NBAS: variants seen among roughly 807,000 people sequenced by gnomAD.
NBAS encodes the protein NAG/BC035112 fusion.
Under a neutral mutation model 302.5 loss-of-function variants are expected in NBAS, and 219 were observed. The ratio of observed to expected loss-of-function variants is 0.72; its 90% CI spans 0.65 to 0.81. The LOEUF (loss-of-function observed/expected upper bound fraction) is 0.81. Ranked by LOEUF, NBAS falls within the 30% of genes least tolerant of loss-of-function variation. The pLI, the probability that NBAS is intolerant of heterozygous loss-of-function variation, is 0.00. For synonymous variants in NBAS, 1,118 were observed against 1,021.6 expected (o/e 1.09, Z -1.80); for missense variants, 2,932 against 2,841.6 (o/e 1.03, Z -0.72).
chr2:15,141,899 G>A, the NBAS span, among the ~76,000 whole-genome samples: 7 of 152,144 alleles, frequency 4.6e-5, no homozygotes, highest in Non-Finnish European at 1.0e-4. Flanking sequence ...ATGTCTGTAC[G>A]GGTTTTGTTT....
At chr2:15,436,453 C>A (rs1300418832) in intron 21 of NBAS, among the ~76,000 whole-genome samples, 1 of 152,082 alleles carries the variant, frequency 6.6e-6, no homozygotes, top group Non-Finnish European at 1.5e-5. Context: ...TTGTGAAAAA[C>A]CCTCCAATGA....
chr2:15,359,835 C>T (rs1040237263), intron 32 of NBAS, among the ~76,000 whole-genome samples: 2 of 152,130 alleles, frequency 1.3e-5, no homozygotes, highest in African/African-American at 4.8e-5. Flanking sequence ...CAAAAAAATA[C>T]AGTCATGAGT....
the NBAS span, among the ~76,000 whole-genome samples, chr2:14,830,950 T>C: frequency 6.6e-6 from 1 of 152,186 alleles, no homozygotes; most frequent in Non-Finnish European, 1.5e-5. Flanking sequence ...TCACTGAATG[T>C]GGAGCTGGGA....
In NBAS at chr2:15,330,765, C is replaced by T; in HGVS notation, c.4180G>A (p.Asp1394Asn). 1 of 1,613,694 alleles carries T rather than the reference C, an allele frequency of 6.2e-7. No homozygotes were observed. The highest frequency in any genetic ancestry group is 8.5e-7 in the Non-Finnish European group (1 of 1,179,808). Reference protein sequence around the residue: ...SPLTSKAVQEDEVGVPGSNSA... With the variant: ...SPLTSKAVQENEVGVPGSNSA... ...TTGCTACCTGGAACACCTACTTCAT[C>T]CTGTATTAAAGAAACAAAATAGCAA... is the stretch of plus-strand genomic sequence containing the variant. Residue 1394 changes from aspartate to asparagine, a missense_variant and splice_region_variant, in exon 36 of 52, where the codon GAT (aspartate) becomes AAT (asparagine). By Grantham distance (23) the Asp-to-Asn change is conservative. Coordinates refer to ENST00000281513, the MANE Select transcript of NBAS (RefSeq NM_015909.4).
chr2:15,368,745 C>G (rs1282124118), intron 31 of NBAS, among the ~76,000 whole-genome samples: 1 of 152,118 alleles, frequency 6.6e-6, no homozygotes, highest in Non-Finnish European at 1.5e-5. Flanking sequence ...CATCTACAGG[C>G]AATTAATGTG....
chr2:14,859,903 A>C, the NBAS span, among the ~76,000 whole-genome samples: 5 of 152,142 alleles, frequency 3.3e-5, no homozygotes, highest in African/African-American at 1.2e-4. Flanking sequence ...TAACCCACAG[A>C]ATGTGAGAAA....
the NBAS span, among the ~76,000 whole-genome samples, chr2:15,135,928 G>A: frequency 6.6e-6 from 1 of 150,532 alleles, no homozygotes; most frequent in Non-Finnish European, 1.5e-5. Context: ...GAAATTTGAC[G>A]AATTTGTTTT....
At chr2:15,421,778 T>C (rs575291279) in intron 23 of NBAS, among the ~76,000 whole-genome samples, 1 of 152,336 alleles carries the variant, frequency 6.6e-6, no homozygotes, top group East Asian at 1.9e-4. Context: ...CTAGGTTATT[T>C]ACAAATTAAA....
the NBAS span, among the ~76,000 whole-genome samples, chr2:14,991,367 G>T: frequency 6.6e-6 from 1 of 152,064 alleles, no homozygotes; most frequent in African/African-American, 2.4e-5. Context: ...TTCCTCCCAC[G>T]TTGGAGGGAA....
intron 12 of NBAS, among the ~76,000 whole-genome samples, chr2:15,481,692 A>G (rs746150816): frequency 6.6e-6 from 1 of 152,182 alleles, no homozygotes; most frequent in Admixed American, 6.5e-5. Context: ...ACAATACCCC[A>G]AAGTATAACA....
chr2:15,007,021 T>C, the NBAS span, among the ~76,000 whole-genome samples: 1 of 152,218 alleles, frequency 6.6e-6, no homozygotes, highest in Non-Finnish European at 1.5e-5. Context: ...TTTGTCATCA[T>C]TAAGGTAGAC....
chr2:15,195,171 A>G (rs1007605698), intron 48 of NBAS, among the ~76,000 whole-genome samples: 1 of 152,170 alleles, frequency 6.6e-6, no homozygotes, highest in African/African-American at 2.4e-5. Flanking sequence ...TCCAAAATTC[A>G]TGTTGAAATT....
chr2:15,002,433 C>T, the NBAS span, among the ~76,000 whole-genome samples: 1 of 147,576 alleles, frequency 6.8e-6, no homozygotes, highest in South Asian at 2.1e-4. Context: ...ACTCAGGAGC[C>T]CAGCTGGCCC....
chr2:15,248,837 A>G (rs1668227370), intron 44 of NBAS, among the ~76,000 whole-genome samples: 1 of 152,166 alleles, frequency 6.6e-6, no homozygotes, highest in African/African-American at 2.4e-5. Context: ...CCAACCAAAA[A>G]AAGTCCAGGA....
intron 28 of NBAS, among the ~76,000 whole-genome samples, chr2:15,391,922 T>G (rs1455993087): frequency 6.6e-6 from 1 of 151,324 alleles, no homozygotes; most frequent in South Asian, 2.1e-4. Flanking sequence ...AATATATCCT[T>G]ATATACCAAG....
At chr2:15,207,468 T>G (rs1408293876) in intron 48 of NBAS, among the ~76,000 whole-genome samples, 3 of 152,212 alleles carry the variant, frequency 2.0e-5, no homozygotes, top group African/African-American at 7.2e-5. Flanking sequence ...TTTGGGGGAC[T>G]ACTGGGAAGG....
intron 28 of NBAS, chr2:15,393,621 G>GTATGTCTACACAAATGAAAGC: frequency 2.1e-6 from 1 of 468,052 alleles, no homozygotes; most frequent in South Asian, 1.6e-5. Context: ...AAATGAAAGC[G>GTATGTCTACACAAATGAAAGC]TATGTCTACA....
chr2:14,862,265 C>A, the NBAS span, among the ~76,000 whole-genome samples: 1 of 151,672 alleles, frequency 6.6e-6, no homozygotes, highest in African/African-American at 2.4e-5. Context: ...CAGCCTCCCA[C>A]GTACCAACAC....
At chr2:15,160,100 T>C in the NBAS span, among the ~76,000 whole-genome samples, 2 of 152,150 alleles carry the variant, frequency 1.3e-5, no homozygotes, top group African/African-American at 4.8e-5. Context: ...CTGTGGATCA[T>C]GGAGAGCCGT....
Sources: allele counts gnomAD v4.1 joint callset (sites outside exome capture counted in the v4.1 genomes callset), GRCh38; gene constraint gnomAD v4.1.1; transcripts MANE v1.5; gene names NCBI Gene and HGNC (gene_info 2026-07-23, HGNC 2026-07-21).